CHD7: variants seen among roughly 807,000 people sequenced by gnomAD.
CHD7 encodes the protein ATP-dependent chromatin remodeler CHD7.
CHD7 carries 24 observed loss-of-function variants against 307.3 expected under a neutral mutation model. The observed-to-expected ratio is 0.08, with a 90% CI of 0.06 to 0.11. CHD7 has a LOEUF of 0.11. CHD7 is among the 10% of genes least tolerant of loss of function. The probability of loss-of-function intolerance (pLI) is 1.00; values close to 1 mark genes in which losing one functional copy is unlikely to be tolerated. For missense variants in CHD7, 3,106 were observed against 3,727.1 expected, an observed-to-expected ratio of 0.83 and a Z score of 4.34; for synonymous variants, 1,363 against 1,349.9, an observed-to-expected ratio of 1.01 and a Z score of -0.21.
Position 60,836,244 on chromosome 8 carries a change from G to T in CHD7, c.3950G>T (p.Arg1317Leu). Residue 1317 changes from arginine (R) to leucine (L), a missense_variant, in exon 16 of 38, where the codon CGC (arginine) becomes CTC (leucine). This residue lies in a region of CHD7 where 232 missense variants were observed against 422.5 expected (regional missense o/e 0.55). Transcript: ENST00000423902. ...HRVLIFSQMV[R>L]CLDILEDYLI... ...GTGCTTATCTTTTCCCAGATGGTGC[G>T]CTGCTTGGACATACTGGAAGACTAC... 6.2e-7 allele frequency: 1 copy of T among 1,613,970 alleles called. No homozygotes were observed. The highest frequency in any genetic ancestry group is 8.5e-7 in the Non-Finnish European group (1 of 1,179,950).
intron 2 of CHD7, among the ~76,000 whole-genome samples, chr8:60,749,636 C>G (rs909858163): frequency 1.3e-5 from 2 of 152,062 alleles, no homozygotes; most frequent in African/African-American, 4.8e-5. Context: ...AAGTGGTATT[C>G]AGGGGCTTTT....
intron 2 of CHD7, among the ~76,000 whole-genome samples, chr8:60,779,351 A>C (rs888646373): frequency 6.6e-6 from 1 of 152,192 alleles, no homozygotes; most frequent in African/African-American, 2.4e-5. Flanking sequence ...CTTTCCCAGA[A>C]AGATGCTGTG....
chr8:60,782,899 T>C (rs986442889), intron 3 of CHD7, among the ~76,000 whole-genome samples: 1 of 152,174 alleles, frequency 6.6e-6, no homozygotes, highest in Non-Finnish European at 1.5e-5. Context: ...ATGCTTTTGG[T>C]AGGAGAAAGC....
intron 24 of CHD7, 21 bp from the exon 25 acceptor site, chr8:60,849,030 C>G: frequency 6.4e-7 from 1 of 1,573,578 alleles, no homozygotes; most frequent in East Asian, 2.2e-5. Flanking sequence ...ACTAATATTT[C>G]TTATAAATGT....
intron 1 of CHD7, among the ~76,000 whole-genome samples, chr8:60,693,153 T>C (rs1806285762): frequency 6.6e-6 from 1 of 152,194 alleles, no homozygotes; most frequent in Non-Finnish European, 1.5e-5. Context: ...CCTGTTGGCA[T>C]CTTTGTTCCC....
intron 2 of CHD7, among the ~76,000 whole-genome samples, chr8:60,748,485 G>A (rs560825919): frequency 2.6e-5 from 4 of 152,268 alleles, no homozygotes; most frequent in East Asian, 1.9e-4. Context: ...GCTCTTTGCA[G>A]CACCCAGGAG....
intron 1 of CHD7, among the ~76,000 whole-genome samples, chr8:60,682,070 T>C (rs769672501): frequency 7.2e-5 from 11 of 152,222 alleles, no homozygotes; most frequent in Non-Finnish European, 1.3e-4. Flanking sequence ...AACCCAAATA[T>C]TATTTTCCTC....
rs72650490 is a variant in CHD7 at position 60,772,216 on chromosome 8, C to T, written c.1666-8784C>T. Among the ~76,000 whole-genome samples the T allele has an allele frequency of 9.7e-3, 1,471 of 152,266 alleles. 17 individuals carry two copies. The highest frequency in any genetic ancestry group is 0.013 in the Non-Finnish European group (904 of 68,018). ...TGTAAATTAACTTTATCACTATGCT[C>T]CTTATAAATTGATTTTTTTTCCCTT... is the stretch of plus-strand genomic sequence containing the variant. On this transcript the variant is annotated intron_variant, in intron 2 of 37. Coordinates refer to ENST00000423902, the MANE Select transcript of CHD7 (RefSeq NM_017780.4).
chr8:60,763,990 T>C (rs1052724316), intron 2 of CHD7, among the ~76,000 whole-genome samples: 3 of 152,140 alleles, frequency 2.0e-5, no homozygotes, highest in Non-Finnish European at 2.9e-5. Context: ...CTTTCTTTTG[T>C]TCTTTCTTTT....
chr8:60,706,868 A>G (rs1964573), intron 1 of CHD7, among the ~76,000 whole-genome samples: 124,871 of 152,092 alleles, frequency 0.82, 51,587 homozygotes, highest in East Asian at 0.94. Context: ...TGTGCACAAC[A>G]TGCAGGTTTG....
intron 1 of CHD7, among the ~76,000 whole-genome samples, chr8:60,711,487 A>C (rs1398727469): frequency 6.6e-6 from 1 of 152,200 alleles, no homozygotes; most frequent in Non-Finnish European, 1.5e-5. Flanking sequence ...GGTTAATTCA[A>C]ATAATAATTA....
At chr8:60,691,570 G>A (rs142164591) in intron 1 of CHD7, among the ~76,000 whole-genome samples, 43 of 152,316 alleles carry the variant, frequency 2.8e-4, no homozygotes, top group African/African-American at 9.9e-4. Context: ...AAGTAAAGTC[G>A]TAGTTGGTAC....
At chr8:60,859,441 T>C (rs1229216679) in intron 34 of CHD7, among the ~76,000 whole-genome samples, 2 of 152,198 alleles carry the variant, frequency 1.3e-5, no homozygotes, top group African/African-American at 4.8e-5. Flanking sequence ...TCCTGACAAG[T>C]GCTTGCACTG....
chr8:60,692,801 TC>T (rs1254861287), intron 1 of CHD7, among the ~76,000 whole-genome samples: 1 of 152,196 alleles, frequency 6.6e-6, no homozygotes, highest in African/African-American at 2.4e-5. Flanking sequence ...TTATTCTTTT[TC>T]TTCCTACCCC....
At chr8:60,832,021 T>C (rs1297266115) in intron 15 of CHD7, among the ~76,000 whole-genome samples, 1 of 152,034 alleles carries the variant, frequency 6.6e-6, no homozygotes, top group Admixed American at 6.5e-5. Flanking sequence ...TATATATATA[T>C]ACACAGTTTT....
At chr8:60,700,410 TC>T (rs1806702682) in intron 1 of CHD7, among the ~76,000 whole-genome samples, 1 of 152,124 alleles carries the variant, frequency 6.6e-6, no homozygotes, top group African/African-American at 2.4e-5. Flanking sequence ...TGTGCTGACC[TC>T]ACAAGAACTA....
In CHD7 at chr8:60,854,352, T is replaced by A; in HGVS notation, c.6776-11T>A. On this transcript the variant is annotated splice_polypyrimidine_tract_variant and intron_variant, in intron 31 of 37. Coordinates refer to ENST00000423902, the MANE Select transcript of CHD7 (RefSeq NM_017780.4). ...GTGGTTGTGAGTAATGCACATTAAC[T>A]CATTTCTCAGCAGGAGCTGTCTCTA... The A allele has an allele frequency of 3.7e-6, 6 of 1,612,114 alleles. No individual in the cohort carries two copies. The highest frequency in any genetic ancestry group is 5.1e-6 in the Non-Finnish European group (6 of 1,178,812).
chr8:60,805,875 A>T (rs1812514981), intron 6 of CHD7, among the ~76,000 whole-genome samples: 1 of 152,152 alleles, frequency 6.6e-6, no homozygotes, highest in Admixed American at 6.5e-5. Flanking sequence ...ATGCCTTCAA[A>T]ATTGAAAAAA....
chr8:60,819,279 A>C (rs1038019959), intron 8 of CHD7, among the ~76,000 whole-genome samples: 1 of 152,080 alleles, frequency 6.6e-6, no homozygotes, highest in African/African-American at 2.4e-5. Flanking sequence ...GTCATATTCT[A>C]GTGTTTTATA....
Sources: allele counts gnomAD v4.1 joint callset (sites outside exome capture counted in the v4.1 genomes callset), GRCh38; gene constraint gnomAD v4.1.1; regional missense constraint gnomAD v4.1.1; transcripts MANE v1.5; gene names NCBI Gene and HGNC (gene_info 2026-07-23, HGNC 2026-07-21).